ZDHHC15: variants seen among roughly 807,000 people sequenced by gnomAD.
The protein encoded by ZDHHC15 is palmitoyltransferase ZDHHC15.
A neutral mutation model predicts 31.7 loss-of-function variants in ZDHHC15; 19 were observed. The ratio of observed to expected loss-of-function variants is 0.60; its 90% CI spans 0.42 to 0.88. The LOEUF (loss-of-function observed/expected upper bound fraction) is 0.88, where lower values mean the gene tolerates loss of function less well. Ranked by LOEUF, ZDHHC15 falls within the 40% of genes least tolerant of loss-of-function variation. The pLI, the probability that ZDHHC15 is intolerant of heterozygous loss-of-function variation, is 0.00. For missense variants in ZDHHC15, 209 were observed against 251.2 expected, an observed-to-expected ratio of 0.83 and a Z score of 1.14; for synonymous variants, 103 against 90.0, an observed-to-expected ratio of 1.14 and a Z score of -0.82.
chrX:75,376,800 T>C (rs2083064364), intron 11 of ZDHHC15, among the ~76,000 whole-genome samples: 1 of 111,934 alleles, frequency 8.9e-6, no homozygotes, highest in South Asian at 3.6e-4. Context: ...ATTTTTCAAG[T>C]TTGTCTTTTC....
At chrX:75,444,792 G>T (rs1180534744) in intron 4 of ZDHHC15, among the ~76,000 whole-genome samples, 1 of 102,852 alleles carries the variant, frequency 9.7e-6, no homozygotes, top group Non-Finnish European at 2.0e-5. Context: ...ATAAATTACT[G>T]TATATCCGTT....
intron 3 of ZDHHC15, among the ~76,000 whole-genome samples, chrX:75,470,594 T>A (rs2084488985): frequency 9.0e-6 from 1 of 111,391 alleles, no homozygotes; most frequent in Admixed American, 9.6e-5. Context: ...TCTGAGCTGA[T>A]GATTCCAGGC....
At chrX:75,476,049 C>T (rs959276271) in intron 3 of ZDHHC15, among the ~76,000 whole-genome samples, 6 of 110,727 alleles carry the variant, frequency 5.4e-5, no homozygotes, top group South Asian at 3.8e-4. Context: ...TTGGTTTTTG[C>T]GTGATGTGGT....
At chrX:75,398,531 TG>T (rs929021203) in intron 10 of ZDHHC15, among the ~76,000 whole-genome samples, 3 of 112,828 alleles carry the variant, frequency 2.7e-5, no homozygotes, top group African/African-American at 9.7e-5. Flanking sequence ...CTTTGGGCTT[TG>T]GGGTGTCTGA....
intron 10 of ZDHHC15, among the ~76,000 whole-genome samples, chrX:75,392,071 G>T (rs1219634044): frequency 8.9e-6 from 1 of 112,347 alleles, no homozygotes; most frequent in Non-Finnish European, 1.9e-5. Flanking sequence ...CTTACAGTTT[G>T]TATTAGTCAG....
intron 2 of ZDHHC15, among the ~76,000 whole-genome samples, chrX:75,504,723 T>A (rs1386152023): frequency 9.0e-6 from 1 of 111,387 alleles, no homozygotes; most frequent in African/African-American, 3.2e-5. Flanking sequence ...AAATTTATTG[T>A]GGAAAATATT....
chrX:75,421,616 T>C (rs1231526142), intron 9 of ZDHHC15, among the ~76,000 whole-genome samples: 1 of 100,236 alleles, frequency 1.0e-5, no homozygotes, highest in Non-Finnish European at 2.0e-5. Context: ...AATTTTTTGA[T>C]AGATATTACC....
chrX:75,468,360 A>AT (rs1340655265), intron 3 of ZDHHC15, among the ~76,000 whole-genome samples: 1 of 111,744 alleles, frequency 8.9e-6, no homozygotes, highest in Non-Finnish European at 1.9e-5. Context: ...TAATGTTTTC[A>AT]AGGTTCATCC....
At chrX:75,411,497 C>A (rs1313178528) in intron 10 of ZDHHC15, among the ~76,000 whole-genome samples, 1 of 112,677 alleles carries the variant, frequency 8.9e-6, no homozygotes, top group Non-Finnish European at 1.9e-5. Context: ...CAGGCGCGAG[C>A]CACCGCGCCC....
At chrX:75,388,456 A>T (rs2083203567) in intron 10 of ZDHHC15, among the ~76,000 whole-genome samples, 1 of 111,921 alleles carries the variant, frequency 8.9e-6, no homozygotes, top group South Asian at 3.7e-4. Flanking sequence ...AAATTGTAGA[A>T]TTTTTTTCTT....
intron 9 of ZDHHC15, 77 bp downstream of exon 9, chrX:75,421,787 T>C (rs1056000569): frequency 2.7e-6 from 3 of 1,092,065 alleles, no homozygotes; most frequent in Non-Finnish European, 3.7e-6. Flanking sequence ...ACCTGCTGCA[T>C]ACTACAATCA....
chrX:75,520,617 C>T (rs746154904), intron 1 of ZDHHC15, among the ~76,000 whole-genome samples: 1 of 110,759 alleles, frequency 9.0e-6, no homozygotes, highest in African/African-American at 3.3e-5. Context: ...AATGTCCATA[C>T]CATAATAATG....
intron 3 of ZDHHC15, among the ~76,000 whole-genome samples, chrX:75,455,449 T>C (rs1369917516): frequency 9.0e-6 from 1 of 111,729 alleles, no homozygotes; most frequent in Non-Finnish European, 1.9e-5. Context: ...ATCCAGGACG[T>C]AGGCATGGGC....
In ZDHHC15 at chrX:75,371,153, A is replaced by G. The variant is rs1468348866; in HGVS notation, c.*1825T>C. 8.9e-6 allele frequency: 1 copy of G among 111,984 alleles called. No homozygotes were observed. Among genetic ancestry groups the G allele is most frequent in the Non-Finnish European group, 1.9e-5 (1 of 53,260 alleles). 9.2% of individuals were successfully genotyped at this position (111,984 alleles called of 1,213,427 possible). On this transcript the variant is annotated 3_prime_UTR_variant, in exon 12 of 12. Transcript: ENST00000373367. ...AGGCCATACATGTAGAAAAAGGTGC[A>G]TATCTATATGAATAGAAGACAAGGC...
At chrX:75,374,685 G>GTA (rs35647178) in intron 11 of ZDHHC15, among the ~76,000 whole-genome samples, 14,202 of 90,217 alleles carry the variant, frequency 0.16, 1,288 homozygotes, top group East Asian at 0.73. Flanking sequence ...GTGTGTGTGT[G>GTA]TGTATATATA....
chrX:75,391,775 C>T (rs1258631872), intron 10 of ZDHHC15, among the ~76,000 whole-genome samples: 2 of 111,695 alleles, frequency 1.8e-5, no homozygotes, highest in Admixed American at 9.5e-5. Flanking sequence ...TTTGAAGGTA[C>T]AAAACTCACT....
At chrX:75,494,762 C>T (rs1396938254) in intron 2 of ZDHHC15, among the ~76,000 whole-genome samples, 3 of 112,118 alleles carry the variant, frequency 2.7e-5, no homozygotes, top group African/African-American at 9.7e-5. Flanking sequence ...CCCTTCCTTA[C>T]ACCTTATACA....
At chrX:75,414,560 G>C (rs1372657132) in intron 10 of ZDHHC15, among the ~76,000 whole-genome samples, 1 of 102,843 alleles carries the variant, frequency 9.7e-6, no homozygotes, top group Non-Finnish European at 2.0e-5. Flanking sequence ...CTCCCGGGTA[G>C]CTGGGACTAC....
chrX:75,427,730 T>A (rs953660112), intron 7 of ZDHHC15, among the ~76,000 whole-genome samples: 5 of 111,666 alleles, frequency 4.5e-5, no homozygotes, highest in African/African-American at 1.6e-4. Context: ...GAAGAGATGA[T>A]GAAGCATTTT....
Sources: allele counts gnomAD v4.1 joint callset (sites outside exome capture counted in the v4.1 genomes callset), GRCh38; gene constraint gnomAD v4.1.1; transcripts MANE v1.5; gene names NCBI Gene and HGNC (gene_info 2026-07-23, HGNC 2026-07-21).